Variants in MAPKAPK5 observed in about 807,000 individuals in gnomAD.
The protein encoded by MAPKAPK5 is MAPK activated protein kinase 5, also known as MAP kinase-activated protein kinase 5.
MAPKAPK5 carries 30 observed loss-of-function variants against 65.1 expected under a neutral mutation model. The ratio of observed to expected loss-of-function variants is 0.46; its 90% CI spans 0.34 to 0.63. The LOEUF (loss-of-function observed/expected upper bound fraction) is 0.63. MAPKAPK5 is among the 20% of genes least tolerant of loss of function. The pLI, the probability that MAPKAPK5 is intolerant of heterozygous loss-of-function variation, is 0.01. For synonymous variants in MAPKAPK5, 179 were observed against 204.6 expected, an observed-to-expected ratio of 0.87 and a Z score of 1.07; for missense variants, 433 against 581.4, an observed-to-expected ratio of 0.74 and a Z score of 2.63.
At chr12:111,857,304 T>C (rs996138182) in intron 1 of MAPKAPK5, among the ~76,000 whole-genome samples, 1 of 151,714 alleles carries the variant, frequency 6.6e-6, no homozygotes, top group Non-Finnish European at 1.5e-5. Context: ...TGCAGTGGTA[T>C]GATCTCGGCT....
intron 1 of MAPKAPK5, among the ~76,000 whole-genome samples, chr12:111,847,526 GT>G (rs1323113706): frequency 4.0e-5 from 6 of 151,806 alleles, no homozygotes; most frequent in Non-Finnish European, 8.8e-5. Context: ...CTTACATATT[GT>G]TTTCTATTAT....
Position 111,898,806 on chromosome 12 carries a change from C to G in MAPKAPK5, c.*5745C>G, listed in dbSNP as rs2070910952. 6.6e-6 allele frequency: 1 copy of G among 152,040 alleles called. No individual in the cohort carries two copies. Among genetic ancestry groups the G allele is most frequent in the Non-Finnish European group, 1.5e-5 (1 of 68,010 alleles). The allele number at this position is 152,040 out of a possible 1,614,324, so 9.4% of individuals were successfully genotyped here. On this transcript the variant is annotated 3_prime_UTR_variant, in exon 14 of 14. Transcript: ENST00000550735. ...GCAGTGGGCCACAAAGAACTTTGTC[C>G]TTTTCAGAGATCCCCAGAGAAGCCC... is the stretch of plus-strand genomic sequence containing the variant.
chr12:111,851,905 GT>G (rs925476682), intron 1 of MAPKAPK5, among the ~76,000 whole-genome samples: 1 of 152,186 alleles, frequency 6.6e-6, no homozygotes, highest in Non-Finnish European at 1.5e-5. Context: ...AGGGTGAAGA[GT>G]TTTAAGGTAC....
chr12:111,871,193 G>C lies in MAPKAPK5; in HGVS notation c.579+13G>C. On this transcript the variant is annotated intron_variant, in intron 7 of 13. Transcript: ENST00000550735. ...TGTAGCACCCCAGGTAAGCATGTGC[G>C]GTTTCTGTCCTAAGATCTGTCACCA... is the stretch of plus-strand genomic sequence containing the variant. 1 of 1,608,042 alleles carries C rather than the reference G, an allele frequency of 6.2e-7. No homozygotes were observed. Among genetic ancestry groups the C allele is most frequent in the Non-Finnish European group, 8.5e-7 (1 of 1,175,602 alleles).
rs190980232 is a variant in MAPKAPK5, at chr12:111,869,598, G to A, written c.394-673G>A. 1.7e-3 allele frequency among the ~76,000 whole-genome samples: 262 copies of A among 152,294 alleles called. 1 individual carries two copies. The highest frequency in any genetic ancestry group is 1.4e-3 in the Non-Finnish European group (98 of 68,030). On this transcript the variant is annotated intron_variant, in intron 5 of 13. Coordinates refer to ENST00000550735, the MANE Select transcript of MAPKAPK5 (RefSeq NM_003668.4). ...TGGATGCCTCCTTTCTGGTAGGGAG[G>A]AACTGATACTTGGATTGCTGAGAAA... is the stretch of plus-strand genomic sequence containing the variant.
intron 13 of MAPKAPK5, among the ~76,000 whole-genome samples, chr12:111,891,637 CAAAAAAAAAAA>C (rs78504500): frequency 1.2e-5 from 1 of 86,222 alleles, no homozygotes; most frequent in Non-Finnish European, 2.5e-5. Context: ...ACTAAAAATA[CAAAAAAAAAAA>C]AAAAAAAAAT....
intron 13 of MAPKAPK5, among the ~76,000 whole-genome samples, chr12:111,890,576 C>T (rs1337824017): frequency 3.3e-5 from 5 of 152,164 alleles, no homozygotes; most frequent in African/African-American, 1.2e-4. Flanking sequence ...AGAGCTGTTT[C>T]ACGAAAGAGG....
At chr12:111,875,572 G>C (rs1292945788) in intron 7 of MAPKAPK5, among the ~76,000 whole-genome samples, 2 of 151,940 alleles carry the variant, frequency 1.3e-5, no homozygotes, top group African/African-American at 4.8e-5. Flanking sequence ...ATGGGGGACC[G>C]AGAGGTATCT....
At chr12:111,868,667 A>G in intron 4 of MAPKAPK5, 86 bp from the exon 5 acceptor site, 1 of 1,002,806 alleles carries the variant, frequency 1.0e-6, no homozygotes, top group South Asian at 1.5e-5. Flanking sequence ...CAGTATCTTT[A>G]GGTCAGCTTC....
At chr12:111,881,402 CCTTT>C (rs1287441685) in intron 8 of MAPKAPK5, among the ~76,000 whole-genome samples, 1 of 116,744 alleles carries the variant, frequency 8.6e-6, no homozygotes, top group East Asian at 2.8e-4. Flanking sequence ...CCTGTCTGTT[CCTTT>C]TTTTTTTTTT....
chr12:111,888,450 A>G (rs374027435), intron 10 of MAPKAPK5, 38 bp from the exon 11 acceptor site: 5 of 1,609,140 alleles, frequency 3.1e-6, no homozygotes, highest in African/African-American at 1.3e-5. Flanking sequence ...GGTGCCCAGC[A>G]ATGAATATGA....
intron 1 of MAPKAPK5, chr12:111,843,278 C>G (rs1387274232): frequency 5.0e-6 from 2 of 398,534 alleles, no homozygotes; most frequent in African/African-American, 2.1e-5. Flanking sequence ...TGTATTCTCC[C>G]CTTTTTCTTT....
At position 111,901,327 on chromosome 12, in the gene MAPKAPK5, C is replaced by T. The variant is rs1367569930; in HGVS notation, c.*8266C>T. On this transcript the variant is annotated 3_prime_UTR_variant, in exon 14 of 14. Coordinates refer to ENST00000550735, the MANE Select transcript of MAPKAPK5 (RefSeq NM_003668.4). ...CACTGCCACTGTAATGAAGGGCATG[C>T]CCCCCCTGACTGTGTTACTGCAGGA... 3.3e-5 allele frequency: 15 copies of T among 455,706 alleles called. No individual in the cohort carries two copies. Among genetic ancestry groups the T allele is most frequent in the African/African-American group, 6.0e-5 (3 of 50,010 alleles). The allele number at this position is 455,706 out of a possible 1,614,324, so 28.2% of individuals were successfully genotyped here. A position where few individuals can be genotyped will look rare whatever the true frequency, so the allele number is the denominator to read the frequency against.
chr12:111,863,650 A>T (rs1427272347), intron 1 of MAPKAPK5, among the ~76,000 whole-genome samples: 1 of 142,782 alleles, frequency 7.0e-6, no homozygotes, highest in Non-Finnish European at 1.5e-5. Context: ...CTTGTCGCCC[A>T]TGCTGGAGTG....
Position 111,889,882 on chromosome 12 carries a change from A to G in MAPKAPK5, c.1217-158A>G, listed in dbSNP as rs1278992194. ...AGTCCACATACCAGATGCGGTCTAC[A>G]TAATGTAGGGACTAGCAGTAAAGCC... is the stretch of plus-strand genomic sequence containing the variant. On this transcript the variant is annotated intron_variant, in intron 12 of 13. Transcript: ENST00000550735. 23 of 597,418 alleles carry G rather than the reference A, an allele frequency of 3.8e-5. No individual in the cohort carries two copies. In the South Asian group the frequency reaches 4.0e-4, roughly 10 times the overall value. 37.0% of individuals were successfully genotyped at this position (597,418 alleles called of 1,614,324 possible). A position where few individuals can be genotyped will look rare whatever the true frequency, so the allele number is the denominator to read the frequency against.
chr12:111,844,518 C>T (rs371397759), intron 1 of MAPKAPK5, among the ~76,000 whole-genome samples: 184 of 152,276 alleles, frequency 1.2e-3, no homozygotes, highest in South Asian at 6.4e-3. Flanking sequence ...GGCACAGAGG[C>T]ATGATATGCC....
At chr12:111,886,585 G>A (rs1352476330) in intron 10 of MAPKAPK5, among the ~76,000 whole-genome samples, 1 of 152,262 alleles carries the variant, frequency 6.6e-6, no homozygotes, top group South Asian at 2.1e-4. Context: ...AATTTGAGTA[G>A]ACAGTGTAAA....
intron 7 of MAPKAPK5, among the ~76,000 whole-genome samples, chr12:111,874,120 C>T (rs770817274): frequency 9.2e-5 from 14 of 152,064 alleles, no homozygotes; most frequent in Non-Finnish European, 1.3e-4. Flanking sequence ...TTCAGCTGGG[C>T]GTGGTGGTTC....
intron 8 of MAPKAPK5, 143 bp downstream of exon 8, chr12:111,880,670 A>G (rs571108083): frequency 2.5e-5 from 17 of 669,114 alleles, no homozygotes; most frequent in Non-Finnish European, 3.9e-5. Context: ...ACTCGCAGAA[A>G]AGTATTTGGA....
Sources: gnomAD v4.1 joint callset for allele counts (sites outside exome capture counted in the v4.1 genomes callset) on GRCh38, gnomAD v4.1.1 for gene constraint, MANE v1.5 for transcripts, NCBI Gene and HGNC (gene_info 2026-07-23, HGNC 2026-07-21) for gene names.